TRPM3: variants seen among roughly 807,000 people sequenced by gnomAD.
TRPM3 encodes the protein long transient receptor potential channel 3.
In TRPM3, 77 loss-of-function variants were observed where a neutral mutation model predicts 181.2. The ratio of observed to expected loss-of-function variants is 0.42; its 90% confidence interval spans 0.35 to 0.51. TRPM3 has a LOEUF of 0.51. TRPM3 is among the 20% of genes least tolerant of loss of function. The pLI, the probability that TRPM3 is intolerant of heterozygous loss-of-function variation, is 0.01. For missense variants in TRPM3, 1,759 were observed against 2,196.7 expected, an observed-to-expected ratio of 0.80 and a Z score of 3.98; for synonymous variants, 745 against 796.4, an observed-to-expected ratio of 0.94 and a Z score of 1.09.
At chr9:70,592,834 A>T (rs1271048632) in intron 21 of TRPM3, among the ~76,000 whole-genome samples, 1 of 152,026 alleles carries the variant, frequency 6.6e-6, no homozygotes, top group African/African-American at 2.4e-5. Flanking sequence ...GGGTTTAAGC[A>T]ATTGTCTGCC....
At chr9:70,872,651 T>G (rs755163081) in intron 1 of TRPM3, among the ~76,000 whole-genome samples, 1 of 151,942 alleles carries the variant, frequency 6.6e-6, no homozygotes, top group Non-Finnish European at 1.5e-5. Flanking sequence ...TGTCCCCCAC[T>G]AGAATATAAG....
chr9:71,339,355 T>C (rs2090793738), intron 1 of TRPM3, among the ~76,000 whole-genome samples: 1 of 152,070 alleles, frequency 6.6e-6, no homozygotes, highest in African/African-American at 2.4e-5. Flanking sequence ...AAAATTGATA[T>C]GCAAGAATAA....
chr9:71,342,516 T>C (rs2091028223), intron 1 of TRPM3, among the ~76,000 whole-genome samples: 1 of 152,008 alleles, frequency 6.6e-6, no homozygotes, highest in South Asian at 2.1e-4. Flanking sequence ...TATGAAATAA[T>C]TTCCAAGATG....
At chr9:70,652,645 C>T (rs569112176) in intron 9 of TRPM3, among the ~76,000 whole-genome samples, 15 of 152,316 alleles carry the variant, frequency 9.8e-5, no homozygotes, top group African/African-American at 3.6e-4. Context: ...TTTATTCCCA[C>T]TTTGCTAATT....
intron 1 of TRPM3, among the ~76,000 whole-genome samples, chr9:71,116,393 A>G (rs2072388208): frequency 6.6e-6 from 1 of 152,232 alleles, no homozygotes; most frequent in Non-Finnish European, 1.5e-5. Context: ...TTAAAACACA[A>G]TTGAAACAAA....
At position 70,684,732 on chromosome 9, in the gene TRPM3, C is replaced by T. The variant is rs140422808; in HGVS notation, c.1273-3154G>A. Among the ~76,000 whole-genome samples the T allele has an allele frequency of 8.1e-3, 1,227 of 152,138 alleles. 12 individuals carry two copies. The highest frequency in any genetic ancestry group is 0.024 in the Middle Eastern group (7 of 294). On this transcript the variant is annotated intron_variant, in intron 8 of 25. Transcript: ENST00000677713. Reference sequence around the variant, plus strand: ...ATAGTAGTTTTGGGAGATGGTATGTCGACATAAAATTCCTTGATTTTGATG... The same window carrying T: ...ATAGTAGTTTTGGGAGATGGTATGTTGACATAAAATTCCTTGATTTTGATG...
chr9:71,435,297 A>G (rs1374865562), intron 1 of TRPM3, among the ~76,000 whole-genome samples: 1 of 152,210 alleles, frequency 6.6e-6, no homozygotes, highest in Admixed American at 6.5e-5. Flanking sequence ...TTATATGCCA[A>G]ATTCTAGTTT....
At chr9:70,869,833 A>C (rs1423146166) in intron 1 of TRPM3, among the ~76,000 whole-genome samples, 1 of 152,022 alleles carries the variant, frequency 6.6e-6, no homozygotes, top group Non-Finnish European at 1.5e-5. Context: ...GGGGTGGCCC[A>C]ATGGAGAGAT....
chr9:70,657,727 C>A (rs532953958), intron 9 of TRPM3, among the ~76,000 whole-genome samples: 4 of 152,196 alleles, frequency 2.6e-5, no homozygotes, highest in African/African-American at 9.6e-5. Context: ...ACTCCTGAGT[C>A]TAAAAAGGAC....
intron 1 of TRPM3, among the ~76,000 whole-genome samples, chr9:71,420,812 A>AGAGGGAAAGAAAGAGAGAGG (rs1491461678): frequency 0.18 from 130 of 742 alleles, 47 homozygotes; most frequent in Non-Finnish European, 0.28. Flanking sequence ...AGAGAGAAAG[A>AGAGGGAAAGAAAGAGAGAGG]AAGAGAGAAA....
intron 1 of TRPM3, among the ~76,000 whole-genome samples, chr9:71,120,264 C>T (rs968499532): frequency 1.3e-5 from 2 of 152,122 alleles, no homozygotes; most frequent in African/African-American, 4.8e-5. Flanking sequence ...TTTTTAACTT[C>T]GAATGGATAT....
chr9:71,080,203 T>TAAATAAATAAATAAATA (rs1483714998), intron 1 of TRPM3, among the ~76,000 whole-genome samples: 78 of 150,040 alleles, frequency 5.2e-4, no homozygotes, highest in African/African-American at 1.7e-3. Context: ...AATAAATAAA[T>TAAATAAATAAATAAATA]AAATAAAATA....
chr9:70,665,257 C>T (rs2061689200), intron 9 of TRPM3, among the ~76,000 whole-genome samples: 1 of 152,092 alleles, frequency 6.6e-6, no homozygotes, highest in Non-Finnish European at 1.5e-5. Flanking sequence ...CTCACTCACT[C>T]TGAAGAACTG....
At position 71,242,200 on chromosome 9, in the gene TRPM3, C is replaced by T. The variant is rs116354169; in HGVS notation, c.183+204453G>A. Among the ~76,000 whole-genome samples, 1,168 of 152,270 alleles carry T rather than the reference C, an allele frequency of 7.7e-3. 20 individuals are homozygous for T. Among genetic ancestry groups the T allele is most frequent in the African/African-American group, 0.026 (1,087 of 41,546 alleles). On this transcript the variant is annotated intron_variant, in intron 1 of 24. Coordinates refer to the TRPM3 transcript ENST00000357533. ...CTATGCACAATGTATTCCTATGACA[C>T]GGACAAGAAGCCGCAATTAAATCAA...
intron 1 of TRPM3, among the ~76,000 whole-genome samples, chr9:71,421,992 T>G (rs2093783907): frequency 6.6e-6 from 1 of 151,996 alleles, no homozygotes. Flanking sequence ...AAATGTTGTT[T>G]TTTTTGAAGA....
intron 3 of TRPM3, among the ~76,000 whole-genome samples, chr9:70,855,291 C>G (rs563685537): frequency 6.6e-6 from 1 of 152,184 alleles, no homozygotes; most frequent in Non-Finnish European, 1.5e-5. Context: ...ATAGAACAGA[C>G]GGGCTGTTTC....
At chr9:70,870,342 A>C (rs2132550468) in intron 1 of TRPM3, among the ~76,000 whole-genome samples, 1 of 152,162 alleles carries the variant, frequency 6.6e-6, no homozygotes, top group East Asian at 1.9e-4. Flanking sequence ...TAAACTACCT[A>C]GTGACTTTCA....
intron 1 of TRPM3, among the ~76,000 whole-genome samples, chr9:71,398,523 G>GT (rs2093255952): frequency 6.6e-6 from 1 of 152,162 alleles, no homozygotes; most frequent in Non-Finnish European, 1.5e-5. Context: ...CCTCATGAGA[G>GT]TGAATGAGTT....
intron 8 of TRPM3, among the ~76,000 whole-genome samples, chr9:70,758,086 G>A (rs1388848862): frequency 6.6e-6 from 1 of 152,104 alleles, no homozygotes; most frequent in Non-Finnish European, 1.5e-5. Context: ...AAACCCCATC[G>A]TCTCAGCCCA....
Sources: allele counts gnomAD v4.1 joint callset (sites outside exome capture counted in the v4.1 genomes callset), GRCh38; gene constraint gnomAD v4.1.1; transcripts MANE v1.5; gene names NCBI Gene and HGNC (gene_info 2026-07-23, HGNC 2026-07-21).